NAA60: variants seen among roughly 807,000 people sequenced by gnomAD.
The protein encoded by NAA60 is N-alpha-acetyltransferase 60.
A neutral mutation model predicts 26.1 loss-of-function variants in NAA60; 8 were observed. That is an observed-to-expected ratio of 0.31 (90% CI 0.18 to 0.55). NAA60 has a LOEUF of 0.55. Among genes scored for constraint, NAA60 ranks in the 20% least tolerant of loss-of-function variants. The pLI is 0.93. For synonymous variants in NAA60, 131 were observed against 122.5 expected, an observed-to-expected ratio of 1.07 and a Z score of -0.46; for missense variants, 290 against 311.3, an observed-to-expected ratio of 0.93 and a Z score of 0.51.
intron 6 of NAA60, chr16:3,483,936 A>C: frequency 6.1e-6 from 2 of 330,548 alleles, no homozygotes; most frequent in Non-Finnish European, 1.1e-5. Flanking sequence ...GCAGTGCACA[A>C]AACGGACAGG....
At chr16:3,484,131 G>A (rs1335455237) in intron 6 of NAA60, among the ~76,000 whole-genome samples, 1 of 152,168 alleles carries the variant, frequency 6.6e-6, no homozygotes, top group East Asian at 1.9e-4. Flanking sequence ...GGGAAGCCAG[G>A]AAACTTTATA....
rs1035889548 is a variant in NAA60 at position 3,458,237 on chromosome 16, G to A, written c.-7+9697G>A. 1.0e-5 allele frequency: 10 copies of A among 959,568 alleles called. No homozygotes were observed. In the African/African-American group the frequency reaches 1.2e-4, roughly 12 times the overall value. 59.4% of individuals were successfully genotyped at this position (959,568 alleles called of 1,614,324 possible). A position where few individuals can be genotyped will look rare whatever the true frequency, so the allele number is the denominator to read the frequency against. ...CGGACCTGCGGCGGGGCGCCGAGGG[G>A]GCGGGGTAGGCGGGGAGGCCGCGCC... On this transcript the variant is annotated intron_variant, in intron 2 of 7. Coordinates refer to ENST00000407558, the MANE Select transcript of NAA60 (RefSeq NM_001083601.3).
chr16:3,468,006 G>C (rs879823453), intron 2 of NAA60: 1 of 152,200 alleles, frequency 6.6e-6, no homozygotes, highest in South Asian at 2.1e-4. Context: ...GTTTCCCATT[G>C]GTTATTTGGT....
Position 3,485,012 on chromosome 16 carries a change from T to A in NAA60, c.*157T>A. On this transcript the variant is annotated 3_prime_UTR_variant, in exon 7 of 8. Coordinates refer to ENST00000407558, the MANE Select transcript of NAA60 (RefSeq NM_001083601.3). ...GCTGCAGGCCCGGTGCTACACGGGC[T>A]CGGGAACAGAACATCGTGGGCATGC... is the stretch of plus-strand genomic sequence containing the variant. 6.6e-7 allele frequency: 1 copy of A among 1,522,996 alleles called. No individual in the cohort carries two copies. Among genetic ancestry groups the A allele is most frequent in the Non-Finnish European group, 8.8e-7 (1 of 1,137,144 alleles). 94.3% of individuals were successfully genotyped at this position (1,522,996 alleles called of 1,614,324 possible). A position where few individuals can be genotyped will look rare whatever the true frequency, so the allele number is the denominator to read the frequency against.
Position 3,483,261 on chromosome 16 carries a change from C to CT in NAA60, c.338-102_338-101insT, listed in dbSNP as rs2151021071. ...AAAGGCTGGTCTCTGATACGGTGGG[C>CT]CGAGACATCTCCGAGAGACTCATGC... On this transcript the variant is annotated intron_variant, in intron 5 of 7. Transcript: ENST00000407558. 4.7e-6 allele frequency: 4 copies of CT among 851,822 alleles called. No individual in the cohort carries two copies. The East Asian group carries it at 1.1e-4, about 23-fold the overall frequency. The allele number at this position is 851,822 out of a possible 1,614,324, so 52.8% of individuals were successfully genotyped here.
At chr16:3,452,791 CA>C in intron 2 of NAA60, among the ~76,000 whole-genome samples, 1 of 150,562 alleles carries the variant, frequency 6.6e-6, no homozygotes, top group Non-Finnish European at 1.5e-5. Flanking sequence ...TCTGTCTCTA[CA>C]AAAAAATGAA....
intron 6 of NAA60, among the ~76,000 whole-genome samples, chr16:3,484,320 C>T (rs1450596223): frequency 6.6e-6 from 1 of 152,182 alleles, no homozygotes; most frequent in African/African-American, 2.4e-5. Context: ...ACTGTTGACC[C>T]CCTCCTTGTC....
At chr16:3,481,922 C>T (rs2036861523) in intron 4 of NAA60, among the ~76,000 whole-genome samples, 1 of 152,136 alleles carries the variant, frequency 6.6e-6, no homozygotes, top group African/African-American at 2.4e-5. Context: ...TGATCAGATT[C>T]ATGACTCCCA....
intron 3 of NAA60, among the ~76,000 whole-genome samples, chr16:3,479,082 A>C (rs2036665156): frequency 1.3e-5 from 2 of 152,226 alleles, no homozygotes; most frequent in South Asian, 2.1e-4. Flanking sequence ...CTTAAAAAAA[A>C]ATACAAAATT....
At chr16:3,485,347 G>C (rs765393049) in intron 7 of NAA60, 120 bp from the exon 8 acceptor site, 2 of 484,340 alleles carry the variant, frequency 4.1e-6, no homozygotes, top group Non-Finnish European at 8.1e-6. Flanking sequence ...CCATGGCCTG[G>C]AGAAGGGCTC....
At chr16:3,470,462 C>G (rs550951368) in intron 2 of NAA60, among the ~76,000 whole-genome samples, 89 of 152,370 alleles carry the variant, frequency 5.8e-4, no homozygotes, top group African/African-American at 2.0e-3. Flanking sequence ...CCCAGGGCGT[C>G]AGCAGGAAAG....
Position 3,448,495 on chromosome 16 carries a change from G to T in NAA60, c.-52G>T. On this transcript the variant is annotated 5_prime_UTR_variant, in exon 2 of 8. Coordinates refer to ENST00000407558, the MANE Select transcript of NAA60 (RefSeq NM_001083601.3). ...GCATACAGAAAGGCTGTACCTGGAG[G>T]AAGGAAGTGCGGAGCCAGCCTGAGT... 1 of 1,535,624 alleles carries T rather than the reference G, an allele frequency of 6.5e-7. No individual in the cohort carries two copies. Among genetic ancestry groups the T allele is most frequent in the African/African-American group, 1.4e-5 (1 of 73,150 alleles).
At chr16:3,460,391 TCTCA>T (rs1390902696) in intron 2 of NAA60, among the ~76,000 whole-genome samples, 1 of 152,188 alleles carries the variant, frequency 6.6e-6, no homozygotes, top group African/African-American at 2.4e-5. Context: ...GGAGATAGGT[TCTCA>T]CTCTGTCGCC....
intron 2 of NAA60, among the ~76,000 whole-genome samples, chr16:3,455,728 G>A (rs1300462912): frequency 6.6e-6 from 1 of 151,176 alleles, no homozygotes; most frequent in Non-Finnish European, 1.5e-5. Flanking sequence ...GTTTTGTTTT[G>A]AGAAGGAGTC....
chr16:3,468,738 C>T (rs1164249712), intron 2 of NAA60, among the ~76,000 whole-genome samples: 2 of 152,226 alleles, frequency 1.3e-5, no homozygotes, highest in African/African-American at 4.8e-5. Context: ...AGAGATTTCT[C>T]ACCCCAGGCT....
intron 2 of NAA60, among the ~76,000 whole-genome samples, chr16:3,454,948 C>G (rs58141374): frequency 0.068 from 10,283 of 152,206 alleles, 443 homozygotes; most frequent in South Asian, 0.17. Context: ...GGTGCCTAAC[C>G]GAATGAACCG....
Position 3,483,401 on chromosome 16 carries a change from A to G in NAA60, c.376A>G (p.Thr126Ala), listed in dbSNP as rs772156787. 12 of 1,613,478 alleles carry G rather than the reference A, an allele frequency of 7.4e-6. No individual in the cohort carries two copies. The South Asian group carries it at 1.2e-4, about 16-fold the overall frequency. The change falls in exon 6 of 8, where the codon ACC becomes GCC. Residue 126 changes from threonine to alanine, a missense_variant. Coordinates refer to ENST00000407558, the MANE Select transcript of NAA60 (RefSeq NM_001083601.3). ...LLESLKDHIS[T>A]TAQDHCKAIY... ...TGAAAGTTTAAAGGATCACATATCAACCACCGCCCAGGACCACTGCAAAGC... is the reference window on the plus strand; with the variant it reads ...TGAAAGTTTAAAGGATCACATATCAGCCACCGCCCAGGACCACTGCAAAGC...
intron 2 of NAA60, among the ~76,000 whole-genome samples, chr16:3,450,408 A>G (rs2034728496): frequency 6.6e-6 from 1 of 152,144 alleles, no homozygotes. Flanking sequence ...GAGTCAGGAA[A>G]GTTGTGCTCC....
chr16:3,471,711 T>C (rs1448264982), intron 2 of NAA60, among the ~76,000 whole-genome samples: 3 of 152,034 alleles, frequency 2.0e-5, no homozygotes, highest in Non-Finnish European at 4.4e-5. Context: ...CGGTGAGAGC[T>C]GAGCCGGTGG....
Sources: allele counts gnomAD v4.1 joint callset (sites outside exome capture counted in the v4.1 genomes callset), GRCh38; gene constraint gnomAD v4.1.1; transcripts MANE v1.5; gene names NCBI Gene and HGNC (gene_info 2026-07-23, HGNC 2026-07-21).